The following ROCK1 variants were observed in gnomAD, a reference collection of about 807,000 sequenced individuals.
The protein encoded by ROCK1 is Rho associated coiled-coil containing protein kinase 1.
ROCK1 carries 36 observed loss-of-function variants against 196.8 expected under a neutral mutation model. The observed-to-expected ratio is 0.18, with a 90% CI of 0.14 to 0.24. ROCK1 has a LOEUF of 0.24. Ranked by LOEUF, ROCK1 falls within the 10% of genes least tolerant of loss-of-function variation. The pLI, the probability that ROCK1 is intolerant of heterozygous loss-of-function variation, is 1.00. For missense variants in ROCK1, 920 were observed against 1,562.0 expected, an observed-to-expected ratio of 0.59 and a Z score of 6.93; for synonymous variants, 443 against 515.9, an observed-to-expected ratio of 0.86 and a Z score of 1.91.
rs2035182824 is a variant in ROCK1, at chr18:20,951,124, A to G, written c.*260T>C. ...ATCCAAAAAGGCAGCACCTTTTAAA[A>G]AAAATATATCTACCTAAGCTTTCCC... On this transcript the variant is annotated 3_prime_UTR_variant, in exon 33 of 33. Transcript: ENST00000399799. 1 of 353,552 alleles carries G rather than the reference A, an allele frequency of 2.8e-6. No homozygotes were observed. Among genetic ancestry groups the G allele is most frequent in the African/African-American group, 2.1e-5 (1 of 47,340 alleles). 21.9% of individuals were successfully genotyped at this position (353,552 alleles called of 1,614,324 possible).
intron 1 of ROCK1, among the ~76,000 whole-genome samples, chr18:21,101,074 G>T (rs1048262747): frequency 6.6e-6 from 1 of 152,140 alleles, no homozygotes; most frequent in Non-Finnish European, 1.5e-5. Context: ...ATAACAAGTG[G>T]CAATTAAGGA....
intron 16 of ROCK1, among the ~76,000 whole-genome samples, chr18:20,993,408 AG>A (rs1267321246): frequency 1.3e-5 from 2 of 152,152 alleles, no homozygotes; most frequent in African/African-American, 4.8e-5. Flanking sequence ...TCACCTTGTT[AG>A]CCAGGATGGT....
intron 1 of ROCK1, among the ~76,000 whole-genome samples, chr18:21,088,253 G>A (rs532840928): frequency 9.2e-5 from 14 of 152,298 alleles, no homozygotes; most frequent in Admixed American, 6.5e-4. Flanking sequence ...TAATACTTTG[G>A]GAGGCTGAGG....
rs1280612693 is a variant in ROCK1, at chr18:21,032,736, G to A, written c.1052-3801C>T. 2.0e-5 allele frequency among the ~76,000 whole-genome samples: 3 copies of A among 147,502 alleles called. No individual in the cohort carries two copies. The East Asian group carries it at 6.0e-4, about 29-fold the overall frequency. On this transcript the variant is annotated intron_variant, in intron 9 of 32. Coordinates refer to ENST00000399799, the MANE Select transcript of ROCK1 (RefSeq NM_005406.3). ...GAGGTTTTGCCATGTTGACCAGGCTGATCTCGAACTCCTGGCCTCAAGTGA... is the reference window on the plus strand; with the variant it reads ...GAGGTTTTGCCATGTTGACCAGGCTAATCTCGAACTCCTGGCCTCAAGTGA...
chr18:21,008,160 G>T lies in ROCK1; in HGVS notation c.1445C>A (p.Ser482Tyr). Residue 482 changes from serine to tyrosine, a missense_variant, in exon 14 of 33, where the codon TCT (serine) becomes TAT (tyrosine). This residue lies in a region of ROCK1 where 520 missense variants were observed against 657.1 expected (regional missense o/e 0.79). Transcript: ENST00000399799. ...NQRRNLESTV[S>Y]QIEKEKMLLQ... ...CAACATTTTCTCCTTCTCAATCTGA[G>T]ACACTGTAGATTCTAGATTTCTTCT... The T allele has an allele frequency of 6.3e-7, 1 of 1,589,468 alleles. No individual in the cohort carries two copies. Among genetic ancestry groups the T allele is most frequent in the South Asian group, 1.1e-5 (1 of 88,262 alleles).
intron 13 of ROCK1, among the ~76,000 whole-genome samples, chr18:21,010,125 T>C (rs905916574): frequency 7.2e-5 from 11 of 152,206 alleles, no homozygotes; most frequent in African/African-American, 2.7e-4. Context: ...TTTGTTAATT[T>C]TGTTGATCTT....
intron 13 of ROCK1, among the ~76,000 whole-genome samples, chr18:21,014,978 G>A (rs1416366840): frequency 6.6e-6 from 1 of 152,124 alleles, no homozygotes; most frequent in African/African-American, 2.4e-5. Flanking sequence ...AATTTTGACA[G>A]GTAACCATGG....
chr18:21,016,544 C>G (rs1329123009), intron 12 of ROCK1, among the ~76,000 whole-genome samples: 1 of 152,288 alleles, frequency 6.6e-6, no homozygotes, highest in South Asian at 2.1e-4. Context: ...AAATGTAATT[C>G]TGAGCTTCAA....
chr18:20,972,369 A>C (rs770624887), intron 22 of ROCK1, among the ~76,000 whole-genome samples: 1 of 152,100 alleles, frequency 6.6e-6, no homozygotes, highest in Non-Finnish European at 1.5e-5. Flanking sequence ...GGACACGTTA[A>C]ATGTGGGGTG....
chr18:20,979,146 C>A (rs2035507091), intron 22 of ROCK1, among the ~76,000 whole-genome samples: 1 of 152,062 alleles, frequency 6.6e-6, no homozygotes, highest in Non-Finnish European at 1.5e-5. Context: ...CCAGGCTGGT[C>A]TTGAACTCTT....
chr18:20,995,798 A>C (rs1247703129), intron 16 of ROCK1, among the ~76,000 whole-genome samples: 1 of 152,176 alleles, frequency 6.6e-6, no homozygotes, highest in Non-Finnish European at 1.5e-5. Context: ...AAAACCACCA[A>C]CATGGTTCCT....
intron 17 of ROCK1, 61 bp from the exon 18 acceptor site, chr18:20,991,387 TC>T: frequency 1.8e-6 from 2 of 1,118,186 alleles, no homozygotes; most frequent in Non-Finnish European, 2.5e-6. Flanking sequence ...TGTTAGTAAA[TC>T]TTACATTTAA....
intron 11 of ROCK1, among the ~76,000 whole-genome samples, chr18:21,020,976 G>A (rs1320773494): frequency 6.6e-6 from 1 of 152,124 alleles, no homozygotes; most frequent in Admixed American, 6.5e-5. Flanking sequence ...TAAGGTTAAT[G>A]AACAGCTTAG....
At chr18:21,107,045 C>T (rs1482387704) in intron 1 of ROCK1, among the ~76,000 whole-genome samples, 3 of 152,162 alleles carry the variant, frequency 2.0e-5, no homozygotes, top group Non-Finnish European at 4.4e-5. Flanking sequence ...ATAAGAAATT[C>T]ATTTACGTCT....
intron 23 of ROCK1, 104 bp from the exon 24 acceptor site, chr18:20,969,312 G>A (rs2035404432): frequency 1.6e-6 from 1 of 606,406 alleles, no homozygotes; most frequent in South Asian, 2.3e-5. Context: ...GTCAGACACT[G>A]CTGAACTACA....
chr18:20,989,336 T>G (rs1198993968), intron 18 of ROCK1, among the ~76,000 whole-genome samples: 1 of 152,154 alleles, frequency 6.6e-6, no homozygotes, highest in African/African-American at 2.4e-5. Context: ...AAAGACCATA[T>G]GGCCATTAAC....
intron 19 of ROCK1, among the ~76,000 whole-genome samples, chr18:20,986,422 T>G (rs1433127971): frequency 6.6e-6 from 1 of 152,210 alleles, no homozygotes; most frequent in Admixed American, 6.5e-5. Context: ...CTAGGTAACA[T>G]GTTACATCTT....
chr18:21,043,589 CATATACATAATATGT>C (rs2036129140), intron 6 of ROCK1, among the ~76,000 whole-genome samples: 3 of 137,494 alleles, frequency 2.2e-5, no homozygotes, highest in African/African-American at 9.6e-5. Context: ...TATGTATATA[CATATACATAATATGT>C]ATATACATAT....
At chr18:21,042,397 A>G (rs2036114859) in intron 7 of ROCK1, among the ~76,000 whole-genome samples, 162 bp from the exon 8 acceptor site, 1 of 152,216 alleles carries the variant, frequency 6.6e-6, no homozygotes, top group African/African-American at 2.4e-5. Flanking sequence ...AAGTTGCTCT[A>G]AGCCTCTAAA....
Sources: allele counts gnomAD v4.1 joint callset (sites outside exome capture counted in the v4.1 genomes callset), GRCh38; gene constraint gnomAD v4.1.1; regional missense constraint gnomAD v4.1.1; transcripts MANE v1.5; gene names NCBI Gene and HGNC (gene_info 2026-07-23, HGNC 2026-07-21).